MED16: variants seen among roughly 807,000 people sequenced by gnomAD.
MED16 encodes the protein mediator of RNA polymerase II transcription subunit 16.
A neutral mutation model predicts 84.4 loss-of-function variants in MED16; 81 were observed. That is an observed-to-expected ratio of 0.96 (90% CI 0.80 to 1.15). MED16 has a LOEUF of 1.15. Ranked by LOEUF, MED16 falls within the 50% of genes most tolerant of loss-of-function variation. The pLI is 0.00. For synonymous variants in MED16, 897 were observed against 552.2 expected (o/e 1.62, Z -8.76); for missense variants, 1,585 against 1,245.9 (o/e 1.27, Z -4.10).
At chr19:879,647 A>G (rs867762782) in intron 8 of MED16, among the ~76,000 whole-genome samples, 1,860 of 74,980 alleles carry the variant, frequency 0.025, 95 homozygotes, top group Middle Eastern at 0.057. Flanking sequence ...CCAGCAGCTC[A>G]CGTTCCCCTG....
intron 11 of MED16, among the ~76,000 whole-genome samples, chr19:872,550 G>A (rs925002949): frequency 6.6e-6 from 1 of 151,910 alleles, no homozygotes; most frequent in East Asian, 2.0e-4. Context: ...ACTTCAAACC[G>A]TCCGTGATGG....
At position 873,978 on chromosome 19, in the gene MED16, G is replaced by A. The variant is rs139539918; in HGVS notation, c.1772-396C>T. ...CCACCCCCGGCTGGCAGCTGGCGGC[G>A]GTTACACACCCAACAGATGCCTCTC... On this transcript the variant is annotated intron_variant, in intron 10 of 15. Coordinates refer to ENST00000325464, the MANE Select transcript of MED16 (RefSeq NM_005481.3). Among the ~76,000 whole-genome samples the A allele has an allele frequency of 1.8e-3, 273 of 152,242 alleles. 1 individual carries two copies. The highest frequency in any genetic ancestry group is 6.1e-3 in the African/African-American group (255 of 41,530).
intron 13 of MED16, 103 bp downstream of exon 13, chr19:870,934 G>A (rs767729494): frequency 8.2e-7 from 1 of 1,213,876 alleles, no homozygotes. Flanking sequence ...GGGGGACCTG[G>A]GGCAGGACAT....
At chr19:877,633 G>C (rs971228092) in intron 8 of MED16, among the ~76,000 whole-genome samples, 9 of 110,934 alleles carry the variant, frequency 8.1e-5, no homozygotes, top group Non-Finnish European at 1.5e-4. Flanking sequence ...GCCTCCCTCT[G>C]GCACCCTCCC....
At chr19:874,037 C>G (rs1007791047) in intron 10 of MED16, among the ~76,000 whole-genome samples, 64 of 152,212 alleles carry the variant, frequency 4.2e-4, no homozygotes, top group Admixed American at 2.3e-3. Context: ...CAGAACTAAC[C>G]ATGACTGTGC....
chr19:884,097 CTGCCCCACG>C (rs930539989), intron 6 of MED16, among the ~76,000 whole-genome samples: 4 of 152,168 alleles, frequency 2.6e-5, no homozygotes, highest in African/African-American at 7.2e-5. Context: ...CCTGCCCCAC[CTGCCCCACG>C]TGCCCCCACG....
chr19:879,328 G>A (rs199591635), intron 8 of MED16, among the ~76,000 whole-genome samples: 20 of 128,708 alleles, frequency 1.6e-4, no homozygotes, highest in South Asian at 2.7e-4. Context: ...CCAGCCCCAC[G>A]TGCCCCAGCA....
In MED16 at chr19:871,988, G is replaced by T; in HGVS notation, c.2036C>A (p.Thr679Asn). The change falls in exon 12 of 16, where the codon ACC (threonine) becomes AAC (asparagine). Residue 679 changes from threonine to asparagine, a missense_variant. Transcript: ENST00000325464. ...GGACATGCTGTCCTGGGTATCCGAGGTGGCCGTATACACGGGCAGGCAGCT... is the reference window on the plus strand; with the variant it reads ...GGACATGCTGTCCTGGGTATCCGAGTTGGCCGTATACACGGGCAGGCAGCT... ...KPSCLPVYTA[T>N]SDTQDSMSLL... 6.2e-7 allele frequency: 1 copy of T among 1,609,380 alleles called. No homozygotes were observed. Among genetic ancestry groups the T allele is most frequent in the Non-Finnish European group, 8.5e-7 (1 of 1,178,368 alleles).
Position 875,353 on chromosome 19 carries a change from G to A in MED16, c.1662C>T (p.Ile554=), listed in dbSNP as rs780486093. 31 of 1,610,070 alleles carry A rather than the reference G, an allele frequency of 1.9e-5. No homozygotes were observed. Among genetic ancestry groups the A allele is most frequent in the Admixed American group, 6.7e-5 (4 of 59,976 alleles). The change falls in exon 10 of 16, where the codon ATC becomes ATT. Residue 554 remains isoleucine (I), a synonymous_variant. Coordinates refer to ENST00000325464, the MANE Select transcript of MED16 (RefSeq NM_005481.3). ...GCGACTTCAGGGTGGAGCTGATGGC[G>A]ATGAGGAAGAGCTTGGTGTGGTAGT... is the stretch of plus-strand genomic sequence containing the variant. ...VCDYHTKLFL[I]AISSTLKSLL...
intron 10 of MED16, among the ~76,000 whole-genome samples, 197 bp downstream of exon 10, chr19:875,047 C>T (rs1303753012): frequency 1.3e-5 from 2 of 152,144 alleles, no homozygotes; most frequent in African/African-American, 4.8e-5. Context: ...GCCTGTAATC[C>T]CAGCTACTTG....
At chr19:879,413 G>C in intron 8 of MED16, among the ~76,000 whole-genome samples, 1 of 131,518 alleles carries the variant, frequency 7.6e-6, no homozygotes, top group African/African-American at 3.0e-5. Context: ...TTCCCTGGTT[G>C]TCAATGCCCA....
intron 12 of MED16, chr19:871,510 G>A (rs1010867143): frequency 7.3e-5 from 112 of 1,532,092 alleles, no homozygotes; most frequent in African/African-American, 9.6e-5. Context: ...TATGTGGGAA[G>A]CACTGTGCCT....
Position 877,022 on chromosome 19 carries a change from C to T in MED16, c.1512G>A (p.Val504=), listed in dbSNP as rs776303638. The change falls in exon 9 of 16, where the codon GTG becomes GTA. Residue 504 remains valine, a synonymous_variant. Transcript: ENST00000325464. ...HVQPSMVQSL[V]EKLHEEYTRQ... is the part of the protein sequence containing the mutation. ...GCGTGTACTCCTCGTGCAGCTTCTC[C>T]ACCAGGCTCTGTACCATACTGGGCT... The T allele has an allele frequency of 2.5e-6, 4 of 1,612,612 alleles. No individual in the cohort carries two copies. The highest frequency in any genetic ancestry group is 2.2e-5 in the South Asian group (2 of 91,076).
At chr19:871,585 G>T (rs374644066) in intron 12 of MED16, 1 of 1,595,740 alleles carries the variant, frequency 6.3e-7, no homozygotes, top group East Asian at 2.2e-5. Context: ...AACCCGACAA[G>T]GAGAGACAGC....
At position 891,056 on chromosome 19, in the gene MED16, T is replaced by G; in HGVS notation, c.76A>C (p.Lys26Gln). 1 of 1,614,112 alleles carries G rather than the reference T, an allele frequency of 6.2e-7. No individual in the cohort carries two copies. Among genetic ancestry groups the G allele is most frequent in the Non-Finnish European group, 8.5e-7 (1 of 1,180,018 alleles). Reference sequence around the variant, plus strand: ...GGCACCGATGGGCAGTGGGTGCTCTTGGACCATTTCTCCCACTCACAGACG... The same window carrying G: ...GGCACCGATGGGCAGTGGGTGCTCTGGGACCATTTCTCCCACTCACAGACG... ...AYVCEWEKWS[K>Q]STHCPSVPLA... Residue 26 changes from lysine to glutamine, a missense_variant, in exon 2 of 16, where the codon AAG becomes CAG. Lys to Gln is a moderately conservative substitution (Grantham distance 53). Transcript: ENST00000325464.
intron 8 of MED16, among the ~76,000 whole-genome samples, chr19:878,688 C>G (rs1158777518): frequency 1.0e-5 from 1 of 98,232 alleles, no homozygotes; most frequent in African/African-American, 4.0e-5. Context: ...ACAGCCCCAA[C>G]CCCACGTGCC....
chr19:890,030 G>C, intron 3 of MED16, 107 bp downstream of exon 3: 1 of 891,850 alleles, frequency 1.1e-6, no homozygotes, highest in South Asian at 1.7e-5. Context: ...CTGCAGACCA[G>C]GGGCTCTAGA....
intron 14 of MED16, 21 bp from the exon 15 acceptor site, chr19:868,520 A>G (rs374474793): frequency 1.2e-6 from 2 of 1,606,886 alleles, no homozygotes; most frequent in Non-Finnish European, 1.7e-6. Flanking sequence ...GCAGGCACTG[A>G]GCGGGTTCCC....
intron 10 of MED16, among the ~76,000 whole-genome samples, chr19:873,811 T>C (rs535019649): frequency 5.9e-4 from 89 of 152,120 alleles, no homozygotes; most frequent in Non-Finnish European, 1.0e-3. Flanking sequence ...AACCAGCTTC[T>C]CTCGGCCTGC....
Sources: gnomAD v4.1 joint callset for allele counts (sites outside exome capture counted in the v4.1 genomes callset) on GRCh38, gnomAD v4.1.1 for gene constraint, MANE v1.5 for transcripts, NCBI Gene and HGNC (gene_info 2026-07-23, HGNC 2026-07-21) for gene names.